UBE2E1: variants seen among roughly 807,000 people sequenced by gnomAD.
UBE2E1 encodes the protein ubiquitin-conjugating enzyme E2 E1.
A neutral mutation model predicts 21.4 loss-of-function variants in UBE2E1; 6 were observed. The ratio of observed to expected loss-of-function variants is 0.28; its 90% CI spans 0.15 to 0.55. UBE2E1 has a LOEUF of 0.55. Among genes scored for constraint, UBE2E1 ranks in the 20% least tolerant of loss-of-function variants. The probability of loss-of-function intolerance (pLI) is 0.93; values close to 1 mark genes in which losing one functional copy is unlikely to be tolerated. For synonymous variants in UBE2E1, 87 were observed against 82.7 expected (o/e 1.05, Z -0.28); for missense variants, 142 against 236.5 (o/e 0.60, Z 2.62).
chr3:23,870,140 A>G lies in UBE2E1; in HGVS notation c.204-17427A>G, dbSNP rs1157488180. Reference sequence around the variant, plus strand: ...TGTAACACCTTGGGCTTCTTGGCTAATTCTCATTCTTGATGTGGTCTCTTC... The same window carrying G: ...TGTAACACCTTGGGCTTCTTGGCTAGTTCTCATTCTTGATGTGGTCTCTTC... On this transcript the variant is annotated intron_variant, in intron 3 of 5. Coordinates refer to ENST00000306627, the MANE Select transcript of UBE2E1 (RefSeq NM_003341.5). The surrounding 1 kb of genome is among the most constrained non-coding windows in gnomAD (Gnocchi z 4.2). Among the ~76,000 whole-genome samples the G allele has an allele frequency of 6.6e-6, 1 of 152,090 alleles. No homozygotes were observed. The highest frequency in any genetic ancestry group is 1.9e-4 in the East Asian group (1 of 5,194).
At chr3:23,882,568 GC>G (rs1297793849) in intron 3 of UBE2E1, among the ~76,000 whole-genome samples, 2 of 152,380 alleles carry the variant, frequency 1.3e-5, no homozygotes, top group Admixed American at 6.5e-5. Context: ...GGGACCGGGA[GC>G]CGCGGAGCAG....
chr3:23,843,443 T>G (rs1480694426), intron 3 of UBE2E1, among the ~76,000 whole-genome samples: 6 of 152,260 alleles, frequency 3.9e-5, no homozygotes, highest in Admixed American at 3.9e-4. Flanking sequence ...GTTTGCTTGC[T>G]GCATAAATGT....
chr3:23,884,108 A>C (rs970441539), intron 3 of UBE2E1, among the ~76,000 whole-genome samples: 1 of 152,006 alleles, frequency 6.6e-6, no homozygotes, highest in African/African-American at 2.4e-5. Context: ...TTTATTCTCC[A>C]GTTTTGAAGT....
intron 3 of UBE2E1, among the ~76,000 whole-genome samples, chr3:23,882,173 C>G (rs912985376): frequency 6.6e-6 from 1 of 152,148 alleles, no homozygotes; most frequent in Non-Finnish European, 1.5e-5. Context: ...CTTTTTATTC[C>G]TTTATCTGGC....
intron 3 of UBE2E1, among the ~76,000 whole-genome samples, chr3:23,822,051 A>G (rs59492991): frequency 0.027 from 4,165 of 152,246 alleles, 232 homozygotes; most frequent in African/African-American, 0.095. Flanking sequence ...AGAAGTGTAC[A>G]CTAGGAAAAG....
At chr3:23,880,345 TG>T (rs11302131) in intron 3 of UBE2E1, among the ~76,000 whole-genome samples, 56,502 of 151,994 alleles carry the variant, frequency 0.37, 11,164 homozygotes, top group Middle Eastern at 0.54. Context: ...ATGGCACCAC[TG>T]CACTCTAGCC....
intron 2 of UBE2E1, chr3:23,807,630 CCT>C: frequency 2.0e-6 from 1 of 504,200 alleles, no homozygotes; most frequent in Non-Finnish European, 3.2e-6. Flanking sequence ...TTGCGGCTTG[CCT>C]CTCGCATTTC....
chr3:23,845,710 A>C lies in UBE2E1; in HGVS notation c.203+34200A>C, dbSNP rs151305409. ...GTTATTTAGCAGAAGTCCAAGTAGT[A>C]AATATTCTAGGCGTCATAGGCCATT... On this transcript the variant is annotated intron_variant, in intron 3 of 5. Transcript: ENST00000306627. Among the ~76,000 whole-genome samples, 17 of 152,128 alleles carry C rather than the reference A, an allele frequency of 1.1e-4. No homozygotes were observed. The East Asian group carries it at 3.3e-3, about 29-fold the overall frequency.
chr3:23,833,359 C>T (rs927957832), intron 3 of UBE2E1, among the ~76,000 whole-genome samples: 2 of 152,206 alleles, frequency 1.3e-5, no homozygotes, highest in South Asian at 4.1e-4. Context: ...AATAGACCTT[C>T]CCACTAGGGA....
intron 5 of UBE2E1, among the ~76,000 whole-genome samples, chr3:23,890,097 G>A (rs765219608): frequency 7.9e-5 from 12 of 152,142 alleles, no homozygotes; most frequent in Non-Finnish European, 1.2e-4. Flanking sequence ...CAGCCCCGAA[G>A]ACTTCACAGT....
At chr3:23,873,958 CA>C (rs1267378376) in intron 3 of UBE2E1, among the ~76,000 whole-genome samples, 1 of 152,126 alleles carries the variant, frequency 6.6e-6, no homozygotes, top group East Asian at 1.9e-4. Context: ...ACACAGTGAG[CA>C]AAAAATCACT....
intron 2 of UBE2E1, among the ~76,000 whole-genome samples, 163 bp from the exon 3 acceptor site, chr3:23,811,297 T>C (rs181685712): frequency 3.3e-5 from 5 of 152,334 alleles, no homozygotes; most frequent in Non-Finnish European, 7.3e-5. Context: ...GAAAAGTTTT[T>C]TTCCTAAACT....
intron 3 of UBE2E1, among the ~76,000 whole-genome samples, chr3:23,865,545 G>T (rs777215955): frequency 6.6e-6 from 1 of 152,026 alleles, no homozygotes; most frequent in Non-Finnish European, 1.5e-5. Context: ...TTAGAGATGA[G>T]GTCTCACAAT....
intron 3 of UBE2E1, among the ~76,000 whole-genome samples, chr3:23,877,751 T>C (rs1700945779): frequency 6.6e-6 from 1 of 152,182 alleles, no homozygotes; most frequent in African/African-American, 2.4e-5. Flanking sequence ...AGAATAGGCA[T>C]GCAGTAGCTA....
intron 3 of UBE2E1, among the ~76,000 whole-genome samples, chr3:23,824,793 G>A (rs1699720545): frequency 6.6e-6 from 1 of 152,002 alleles, no homozygotes; most frequent in African/African-American, 2.4e-5. Flanking sequence ...ATTCTGGTGT[G>A]CTTCCTCCCC....
chr3:23,854,084 C>T (rs1700385692), intron 3 of UBE2E1, among the ~76,000 whole-genome samples: 1 of 151,848 alleles, frequency 6.6e-6, no homozygotes. Context: ...ATGGCGAAAC[C>T]CCACGTCTAC....
At chr3:23,825,116 A>G (rs530177810) in intron 3 of UBE2E1, among the ~76,000 whole-genome samples, 7 of 152,228 alleles carry the variant, frequency 4.6e-5, no homozygotes, top group African/African-American at 1.2e-4. Context: ...GTCCATACTA[A>G]TAAGAGATTT....
At chr3:23,871,742 G>A (rs538782647) in intron 3 of UBE2E1, among the ~76,000 whole-genome samples, 3 of 151,596 alleles carry the variant, frequency 2.0e-5, no homozygotes, top group African/African-American at 4.8e-5. Context: ...ACGGGGCGGC[G>A]GGGCAAAGGC....
intron 3 of UBE2E1, among the ~76,000 whole-genome samples, chr3:23,867,079 TTC>T (rs1476395518): frequency 6.6e-6 from 1 of 151,444 alleles, no homozygotes; most frequent in Non-Finnish European, 1.5e-5. Context: ...TTTTTTTTTT[TTC>T]TCTTTGTTTG....
Sources: allele counts gnomAD v4.1 joint callset (sites outside exome capture counted in the v4.1 genomes callset), GRCh38; gene constraint gnomAD v4.1.1; non-coding constraint Gnocchi (gnomAD v3.1); transcripts MANE v1.5; gene names NCBI Gene and HGNC (gene_info 2026-07-23, HGNC 2026-07-21).